TMEM132B: variants seen among roughly 807,000 people sequenced by gnomAD.
TMEM132B encodes transmembrane protein 132B.
TMEM132B carries 18 observed loss-of-function variants against 90.8 expected under a neutral mutation model. That is an observed-to-expected ratio of 0.20 (90% CI 0.14 to 0.29). The LOEUF (loss-of-function observed/expected upper bound fraction) is 0.29, where lower values mean the gene tolerates loss of function less well. Among genes scored for constraint, TMEM132B ranks in the 10% least tolerant of loss-of-function variants. The pLI, the probability that TMEM132B is intolerant of heterozygous loss-of-function variation, is 1.00. For missense variants in TMEM132B, 1,096 were observed against 1,326.8 expected (o/e 0.83, Z 2.70); for synonymous variants, 504 against 523.3 (o/e 0.96, Z 0.50).
chr12:125,230,208 G>T (rs1277699654), intron 1 of TMEM132B, among the ~76,000 whole-genome samples: 1 of 152,166 alleles, frequency 6.6e-6, no homozygotes, highest in East Asian at 1.9e-4. Context: ...TTTAATTGCT[G>T]GTTGTAGAAA....
At chr12:125,205,646 C>T (rs1041028587) in intron 1 of TMEM132B, among the ~76,000 whole-genome samples, 4 of 152,246 alleles carry the variant, frequency 2.6e-5, no homozygotes, top group African/African-American at 7.2e-5. Context: ...TGCTGGGCCT[C>T]TCTGTCTGTC....
rs192788433 is a variant in TMEM132B at position 125,261,558 on chromosome 12, G to T, written c.67+74692G>T. Among the ~76,000 whole-genome samples the T allele has an allele frequency of 2.3e-4, 35 of 152,280 alleles. 1 individual carries two copies. Among genetic ancestry groups the T allele is most frequent in the African/African-American group, 6.7e-4 (28 of 41,544 alleles). Reference sequence around the variant, plus strand: ...CCATATTTCCTATACCCCAAATCAGGATGTATTATCTGAAACTTATTAATA... The same window carrying T: ...CCATATTTCCTATACCCCAAATCAGTATGTATTATCTGAAACTTATTAATA... On this transcript the variant is annotated intron_variant, in intron 1 of 8. Coordinates refer to ENST00000682704, the MANE Select transcript of TMEM132B (RefSeq NM_001366854.1).
intron 1 of TMEM132B, among the ~76,000 whole-genome samples, chr12:125,273,319 G>A (rs1157976375): frequency 6.6e-6 from 1 of 152,204 alleles, no homozygotes; most frequent in Non-Finnish European, 1.5e-5. Flanking sequence ...GGGTGTGGTG[G>A]TTCATGCCTG....
At chr12:125,519,250 GCC>G (rs1267182073) in intron 3 of TMEM132B, among the ~76,000 whole-genome samples, 187 bp from the exon 4 acceptor site, 12 of 152,348 alleles carry the variant, frequency 7.9e-5, no homozygotes, top group African/African-American at 2.6e-4. Flanking sequence ...CGGATCGTCA[GCC>G]TATTCTGAGG....
chr12:125,391,410 G>A (rs1390258920), intron 2 of TMEM132B, among the ~76,000 whole-genome samples: 3 of 152,186 alleles, frequency 2.0e-5, no homozygotes, highest in African/African-American at 4.8e-5. Context: ...GCCTCTACCT[G>A]CTCAGCTACT....
chr12:125,312,249 T>C (rs1369844186), intron 1 of TMEM132B, among the ~76,000 whole-genome samples: 3 of 152,228 alleles, frequency 2.0e-5, no homozygotes, highest in African/African-American at 7.2e-5. Flanking sequence ...CATTGAGTCA[T>C]TAGTTGTTTG....
At chr12:125,328,774 G>T (rs1483612626) in intron 1 of TMEM132B, among the ~76,000 whole-genome samples, 1 of 152,152 alleles carries the variant, frequency 6.6e-6, no homozygotes, top group Non-Finnish European at 1.5e-5. Context: ...TGAACTACAG[G>T]TCCTGTTTTC....
chr12:125,224,590 G>C (rs1338921104), intron 1 of TMEM132B, among the ~76,000 whole-genome samples: 1 of 152,224 alleles, frequency 6.6e-6, no homozygotes, highest in Non-Finnish European at 1.5e-5. Flanking sequence ...GAGCTGCCCA[G>C]GCAGACCCTT....
In TMEM132B at chr12:125,624,431, G is replaced by T. The variant is rs970899958; in HGVS notation, c.1438-19645G>T. ...TCCATGATCTTAGGGTGCAGAAAAT[G>T]AAATAAGGCAACAACCTTGTCTTCA... On this transcript the variant is annotated intron_variant, in intron 5 of 8. Transcript: ENST00000682704. Among the ~76,000 whole-genome samples, 3 of 152,124 alleles carry T rather than the reference G, an allele frequency of 2.0e-5. No individual in the cohort carries two copies. The East Asian group carries it at 5.8e-4, about 29-fold the overall frequency.
rs1315468438 is a variant in TMEM132B at position 125,299,525 on chromosome 12, T to C, written c.68-49927T>C. ...GGGCTGATGGCGCCTGCTTCACCCTTCCCTGACCTGCTCAGGAGCTCCCTA... is the reference window on the plus strand; with the variant it reads ...GGGCTGATGGCGCCTGCTTCACCCTCCCCTGACCTGCTCAGGAGCTCCCTA... On this transcript the variant is annotated intron_variant, in intron 1 of 8. Transcript: ENST00000682704. Among the ~76,000 whole-genome samples, 12 of 152,234 alleles carry C rather than the reference T, an allele frequency of 7.9e-5. 1 individual carries two copies. The East Asian group carries it at 2.3e-3, about 29-fold the overall frequency.
At chr12:125,509,840 TCTGGA>T (rs565980102) in intron 3 of TMEM132B, among the ~76,000 whole-genome samples, 1,805 of 117,864 alleles carry the variant, frequency 0.015, 13 homozygotes, top group Middle Eastern at 0.042. Context: ...ATCCTCCGTG[TCTGGA>T]GTCTGGAGTC....
intron 3 of TMEM132B, among the ~76,000 whole-genome samples, chr12:125,463,856 T>C (rs1881499192): frequency 6.6e-6 from 1 of 152,228 alleles, no homozygotes. Context: ...CAGTTCTGCA[T>C]GGCTGGAGAG....
intron 5 of TMEM132B, among the ~76,000 whole-genome samples, chr12:125,636,292 C>T (rs1593036228): frequency 6.6e-6 from 1 of 151,920 alleles, no homozygotes; most frequent in Admixed American, 6.6e-5. Context: ...GCTTGAAATT[C>T]CTTTAGTGAT....
chr12:125,367,511 A>G (rs572299676), intron 2 of TMEM132B, among the ~76,000 whole-genome samples: 2 of 151,702 alleles, frequency 1.3e-5, no homozygotes, highest in African/African-American at 4.8e-5. Context: ...CTCTTCCATG[A>G]CTCTCTCATC....
intron 1 of TMEM132B, among the ~76,000 whole-genome samples, chr12:125,331,758 A>G (rs1876780436): frequency 6.6e-6 from 1 of 152,144 alleles, no homozygotes; most frequent in Non-Finnish European, 1.5e-5. Context: ...CAAGTTATTT[A>G]TTTGATACAT....
At chr12:125,222,633 C>A (rs1324704568) in intron 1 of TMEM132B, among the ~76,000 whole-genome samples, 1 of 152,154 alleles carries the variant, frequency 6.6e-6, no homozygotes, top group Non-Finnish European at 1.5e-5. Flanking sequence ...AATTTACTTC[C>A]CACTCAACAT....
intron 1 of TMEM132B, among the ~76,000 whole-genome samples, chr12:125,215,496 G>T (rs1028606269): frequency 6.6e-6 from 1 of 152,058 alleles, no homozygotes; most frequent in Non-Finnish European, 1.5e-5. Flanking sequence ...TCTGACCTCT[G>T]CTTCCACCCT....
chr12:125,564,652 G>A (rs1219528581), intron 4 of TMEM132B, among the ~76,000 whole-genome samples: 1 of 152,214 alleles, frequency 6.6e-6, no homozygotes, highest in African/African-American at 2.4e-5. Flanking sequence ...TTTCAAGGAT[G>A]TGCCTCTTGT....
chr12:125,523,792 G>C (rs1253624186), intron 4 of TMEM132B, among the ~76,000 whole-genome samples: 1 of 152,166 alleles, frequency 6.6e-6, no homozygotes, highest in Non-Finnish European at 1.5e-5. Flanking sequence ...AGCTCTCTTG[G>C]CCTCCATGTC....
Sources: allele counts gnomAD v4.1 joint callset (sites outside exome capture counted in the v4.1 genomes callset), GRCh38; gene constraint gnomAD v4.1.1; transcripts MANE v1.5; gene names NCBI Gene and HGNC (gene_info 2026-07-23, HGNC 2026-07-21).